BBS4: variants seen among roughly 807,000 people sequenced by gnomAD.
BBS4 encodes Bardet-Biedl syndrome 4, also known as BBSome complex member BBS4.
BBS4 carries 58 observed loss-of-function variants against 71.4 expected under a neutral mutation model. The ratio of observed to expected loss-of-function variants is 0.81; its 90% confidence interval spans 0.66 to 1.01. BBS4 has a LOEUF of 1.01. BBS4 is among the 50% of genes least tolerant of loss of function. The pLI, the probability that BBS4 is intolerant of heterozygous loss-of-function variation, is 0.00. For missense variants in BBS4, 660 were observed against 607.9 expected, an observed-to-expected ratio of 1.09 and a Z score of -0.90; for synonymous variants, 228 against 216.8, an observed-to-expected ratio of 1.05 and a Z score of -0.46.
At chr15:72,719,708 C>T (rs1595932711) in intron 6 of BBS4, among the ~76,000 whole-genome samples, 1 of 151,670 alleles carries the variant, frequency 6.6e-6, no homozygotes, top group South Asian at 2.1e-4. Context: ...ATAACCATCC[C>T]ATTGTTACTA....
At chr15:72,736,238 C>CTTTTT (rs35502034) in intron 14 of BBS4, among the ~76,000 whole-genome samples, 5 of 113,458 alleles carry the variant, frequency 4.4e-5, no homozygotes, top group South Asian at 3.0e-4. Flanking sequence ...TTCTATTTCA[C>CTTTTT]TTTTTTTTTT....
rs745897991 is a variant in BBS4, at chr15:72,731,659, T to C, written c.969T>C (p.Ala323=). 2 of 1,614,244 alleles carry C rather than the reference T, an allele frequency of 1.2e-6. No homozygotes were observed. Among genetic ancestry groups the C allele is most frequent in the Non-Finnish European group, 1.7e-6 (2 of 1,180,052 alleles). The part of the protein sequence containing the change: ...VHLTMQQYAS[A]FHFLSAAINF... The stretch of plus-strand genomic sequence containing the variant: ...TGACCATGCAGCAGTATGCATCAGC[T>C]TTTCATTTTCTCAGTGCGGCCATCA... Residue 323 remains alanine (A), a synonymous_variant, in exon 12 of 16, where the codon GCT becomes GCC. Transcript: ENST00000268057.
intron 14 of BBS4, among the ~76,000 whole-genome samples, chr15:72,736,202 G>A (rs1300185244): frequency 6.6e-6 from 1 of 150,748 alleles, no homozygotes; most frequent in Non-Finnish European, 1.5e-5. Flanking sequence ...CATCAAAGTT[G>A]AGGTCTGTGT....
In BBS4 at chr15:72,738,418, A is replaced by T; in HGVS notation, c.*831A>T. On this transcript the variant is annotated 3_prime_UTR_variant, in exon 16 of 16. Coordinates refer to ENST00000268057, the MANE Select transcript of BBS4 (RefSeq NM_033028.5). ...TTACATATCATCATTCCTTTGGGGAAAATTGTTATTCAGGTATAAAAACAA... is the reference window on the plus strand; with the variant it reads ...TTACATATCATCATTCCTTTGGGGATAATTGTTATTCAGGTATAAAAACAA... 2.6e-6 allele frequency: 1 copy of T among 391,464 alleles called. No homozygotes were observed. Among genetic ancestry groups the T allele is most frequent in the Non-Finnish European group, 4.9e-6 (1 of 202,024 alleles). 24.2% of individuals were successfully genotyped at this position (391,464 alleles called of 1,614,324 possible).
chr15:72,695,229 G>A lies in BBS4; in HGVS notation c.76+1G>A, dbSNP rs1465437164. The stretch of plus-strand genomic sequence containing the variant: ...TCTCAAAAACCCCGGCAGAAAAAAG[G>A]TCTGTATGCAGTTTCATGGTATGTG... On this transcript the variant is annotated splice_donor_variant, in intron 2 of 15. Coordinates refer to ENST00000268057, the MANE Select transcript of BBS4 (RefSeq NM_033028.5). LOFTEE classifies it high-confidence loss of function. The A allele has an allele frequency of 1.9e-6, 3 of 1,586,098 alleles. No homozygotes were observed. Among genetic ancestry groups the A allele is most frequent in the African/African-American group, 2.7e-5 (2 of 74,350 alleles).
At chr15:72,717,073 C>A in intron 6 of BBS4, 1 of 552,236 alleles carries the variant, frequency 1.8e-6, no homozygotes, top group East Asian at 3.1e-5. Context: ...CGAGCAGTCT[C>A]TTACCAGTCT....
chr15:72,712,292 GCTAT>G lies in BBS4; in HGVS notation c.210_213del (p.Ile70MetfsTer5), dbSNP rs775928735. On this transcript the variant is annotated frameshift_variant, in exon 4 of 16. Coordinates refer to ENST00000268057, the MANE Select transcript of BBS4 (RefSeq NM_033028.5). LOFTEE classifies it high-confidence loss of function. ...AGAGACTCAGGGATTGTGTGAATAT[GCTAT>G]CTATGTCCAAGGTAAGACACATACT... 1 of 1,613,704 alleles carries G rather than the reference GCTAT, an allele frequency of 6.2e-7. No individual in the cohort carries two copies. The highest frequency in any genetic ancestry group is 1.3e-5 in the African/African-American group (1 of 74,926).
chr15:72,716,653 C>T (rs532492188), intron 5 of BBS4, 125 bp from the exon 6 acceptor site: 4 of 755,610 alleles, frequency 5.3e-6, no homozygotes, highest in South Asian at 4.9e-5. Context: ...ACCAGCACAA[C>T]CACCTCATAG....
intron 13 of BBS4, chr15:72,735,386 A>C (rs893267968): frequency 1.2e-5 from 7 of 602,472 alleles, no homozygotes; most frequent in African/African-American, 1.8e-5. Context: ...AAATGTTTCC[A>C]GTCCTAAACT....
intron 1 of BBS4, among the ~76,000 whole-genome samples, chr15:72,694,303 G>T (rs1273694216): frequency 6.6e-6 from 1 of 150,982 alleles, no homozygotes; most frequent in Middle Eastern, 3.2e-3. Context: ...CCATTCTCCT[G>T]CCTCAGCCTC....
At chr15:72,736,718 GAC>G in intron 14 of BBS4, 42 bp from the exon 15 acceptor site, 5 of 1,603,282 alleles carry the variant, frequency 3.1e-6, no homozygotes, top group Non-Finnish European at 4.3e-6. Flanking sequence ...GCTTGTCTCT[GAC>G]AGTCACGCTT....
intron 8 of BBS4, among the ~76,000 whole-genome samples, chr15:72,726,422 A>G (rs1306856201): frequency 1.4e-5 from 1 of 69,044 alleles, no homozygotes; most frequent in Admixed American, 1.3e-4. Context: ...TTGTGTTGTT[A>G]CTTTTAAATG....
intron 3 of BBS4, among the ~76,000 whole-genome samples, chr15:72,712,034 A>G (rs1186152384): frequency 6.6e-6 from 1 of 151,898 alleles, no homozygotes; most frequent in African/African-American, 2.4e-5. Flanking sequence ...CTGCCCGGCT[A>G]ATTTTTGTAT....
intron 8 of BBS4, among the ~76,000 whole-genome samples, chr15:72,727,263 G>A (rs1360167950): frequency 6.6e-6 from 1 of 152,164 alleles, no homozygotes; most frequent in Non-Finnish European, 1.5e-5. Context: ...ACTGTCTGAT[G>A]ATCCTATGGT....
rs59816410 is a variant in BBS4 at position 72,702,802 on chromosome 15, C to CTTTT, written c.77-6878_77-6875dup. Among the ~76,000 whole-genome samples the CTTTT allele has an allele frequency of 6.3e-3, 462 of 73,468 alleles. 57 individuals carry two copies. The highest frequency in any genetic ancestry group is 0.022 in the Middle Eastern group (1 of 46). The allele number at this position is 73,468 out of a possible 152,430, so 48.2% of individuals were successfully genotyped here. On this transcript the variant is annotated intron_variant, in intron 2 of 15. Transcript: ENST00000268057. ...TTTTTGGTATAGTGAGGAGCTGACTCTTTTTTTTTTTTTTTTTTTTTTTGA... is the reference window on the plus strand; with the variant it reads ...TTTTTGGTATAGTGAGGAGCTGACTCTTTTTTTTTTTTTTTTTTTTTTTTTTTGA...
chr15:72,688,106 A>G (rs2064906671), intron 1 of BBS4, among the ~76,000 whole-genome samples: 2 of 151,490 alleles, frequency 1.3e-5, no homozygotes, highest in Admixed American at 1.3e-4. Context: ...TGTAAAAGAT[A>G]ATGGGTAACA....
intron 6 of BBS4, chr15:72,717,180 T>C (rs963215423): frequency 3.3e-6 from 1 of 300,458 alleles, no homozygotes; most frequent in East Asian, 8.2e-5. Flanking sequence ...TTCATGTCTT[T>C]TTCCCGTCCC....
At chr15:72,737,060 CAT>C in intron 15 of BBS4, 97 bp downstream of exon 15, 2 of 1,408,548 alleles carry the variant, frequency 1.4e-6, no homozygotes, top group Non-Finnish European at 2.0e-6. Context: ...TCTTCAGACT[CAT>C]ATGTCCAACG....
At chr15:72,721,270 G>C (rs2065570652) in intron 6 of BBS4, among the ~76,000 whole-genome samples, 1 of 152,114 alleles carries the variant, frequency 6.6e-6, no homozygotes, top group Non-Finnish European at 1.5e-5. Context: ...GTGACGATGT[G>C]GGTAGTTTAA....
Sources: gnomAD v4.1 joint callset for allele counts (sites outside exome capture counted in the v4.1 genomes callset) on GRCh38, gnomAD v4.1.1 for gene constraint, MANE v1.5 for transcripts, NCBI Gene and HGNC (gene_info 2026-07-23, HGNC 2026-07-21) for gene names.